Variants in LASP1 observed in about 807,000 individuals in gnomAD.
LASP1 encodes the protein LIM and SH3 domain protein 1.
A neutral mutation model predicts 38.6 loss-of-function variants in LASP1; 10 were observed. The observed-to-expected ratio is 0.26, with a 90% CI of 0.16 to 0.44. The LOEUF is 0.44. Among genes scored for constraint, LASP1 ranks in the 20% least tolerant of loss-of-function variants. LASP1 has a pLI of 1.00. For missense variants in LASP1, 243 were observed against 375.7 expected (o/e 0.65, Z 2.92); for synonymous variants, 132 against 140.8 (o/e 0.94, Z 0.44).
chr17:38,891,594 G>A (rs569223365), intron 3 of LASP1, among the ~76,000 whole-genome samples: 19 of 152,246 alleles, frequency 1.2e-4, no homozygotes, highest in East Asian at 1.9e-4. Flanking sequence ...CACAGCTGAC[G>A]ATGGAGGGCT....
chr17:38,906,827 C>T (rs926771599), intron 4 of LASP1, among the ~76,000 whole-genome samples: 3 of 152,228 alleles, frequency 2.0e-5, no homozygotes, highest in Non-Finnish European at 2.9e-5. Context: ...CTGGCTGAGT[C>T]GGGAGGGTCC....
At chr17:38,894,573 G>A (rs1914433549) in intron 3 of LASP1, among the ~76,000 whole-genome samples, 1 of 152,182 alleles carries the variant, frequency 6.6e-6, no homozygotes, top group Non-Finnish European at 1.5e-5. Flanking sequence ...CTGACGTGGA[G>A]TCAGCATTCA....
At chr17:38,912,676 A>G (rs939580954) in intron 4 of LASP1, among the ~76,000 whole-genome samples, 1 of 152,104 alleles carries the variant, frequency 6.6e-6, no homozygotes, top group African/African-American at 2.4e-5. Context: ...AGAAGGTGCC[A>G]TGGGGGATGG....
intron 3 of LASP1, among the ~76,000 whole-genome samples, chr17:38,895,212 T>C (rs1437738398): frequency 6.6e-6 from 1 of 151,772 alleles, no homozygotes; most frequent in African/African-American, 2.4e-5. Context: ...TGGGGTACTA[T>C]GTTCCCAGGC....
intron 3 of LASP1, among the ~76,000 whole-genome samples, chr17:38,893,933 C>T (rs1598111981): frequency 6.6e-6 from 1 of 152,380 alleles, no homozygotes; most frequent in South Asian, 2.1e-4. Context: ...CCTTCTGGGC[C>T]TGCCTTGCCC....
intron 1 of LASP1, among the ~76,000 whole-genome samples, chr17:38,877,470 C>T (rs1913814602): frequency 6.6e-6 from 1 of 152,136 alleles, no homozygotes; most frequent in Non-Finnish European, 1.5e-5. Context: ...GTTGTGTTGA[C>T]AGAGCCTGGG....
intron 4 of LASP1, among the ~76,000 whole-genome samples, chr17:38,906,962 G>A (rs1914791777): frequency 6.6e-6 from 1 of 152,190 alleles, no homozygotes; most frequent in Admixed American, 6.5e-5. Flanking sequence ...TCTGGGCTTA[G>A]GGCGCTCCTC....
At chr17:38,871,637 A>C (rs1202177405) in intron 1 of LASP1, among the ~76,000 whole-genome samples, 1 of 151,956 alleles carries the variant, frequency 6.6e-6, no homozygotes, top group African/African-American at 2.4e-5. Flanking sequence ...TTGGTGTGTG[A>C]GCTTCCTCAG....
At chr17:38,913,484 C>A (rs1236994836) in intron 4 of LASP1, among the ~76,000 whole-genome samples, 2 of 152,208 alleles carry the variant, frequency 1.3e-5, no homozygotes, top group Non-Finnish European at 1.5e-5. Context: ...AATCTGTGAT[C>A]TTGGGCCACT....
rs367911500 is a variant in LASP1, at chr17:38,918,680, G to A, written c.688G>A (p.Val230Ile). 3.0e-5 allele frequency: 48 copies of A among 1,613,504 alleles called. No individual in the cohort carries two copies. The African/African-American group carries it at 3.6e-4, about 12-fold the overall frequency. Reference protein sequence around the residue: ...EVSFQDGDTIVNVQQIDDGWM... With the variant: ...EVSFQDGDTIINVQQIDDGWM... ...CTCCTTCCAGGACGGGGACACCATC[G>A]TCAACGTGCAGCAGATCGACGACGG... Residue 230 changes from valine (V) to isoleucine (I), a missense_variant, in exon 7 of 7, where the codon GTC (valine) becomes ATC (isoleucine). Val to Ile is a conservative substitution (Grantham distance 29). This residue lies in a region of LASP1 where 165 missense variants were observed against 210.3 expected (regional missense o/e 0.78). Transcript: ENST00000318008. The surrounding 1 kb of genome is among the most constrained non-coding windows in gnomAD (Gnocchi z 4.4).
intron 2 of LASP1, among the ~76,000 whole-genome samples, chr17:38,886,298 C>T (rs1297754098): frequency 1.3e-5 from 2 of 151,094 alleles, no homozygotes; most frequent in Non-Finnish European, 2.9e-5. Flanking sequence ...GGGCTGGGGA[C>T]TGGGGACTGT....
intron 4 of LASP1, among the ~76,000 whole-genome samples, chr17:38,910,773 A>G (rs568127959): frequency 7.5e-6 from 1 of 134,176 alleles, no homozygotes; most frequent in African/African-American, 3.0e-5. Flanking sequence ...CCCAGGATGC[A>G]GTGCAATGGC....
chr17:38,910,892 T>C (rs917340614), intron 4 of LASP1, among the ~76,000 whole-genome samples: 7 of 152,030 alleles, frequency 4.6e-5, no homozygotes, highest in Non-Finnish European at 1.0e-4. Context: ...CCAGCTAATT[T>C]TTGTATTTTC....
chr17:38,919,827 G>A lies in LASP1; in HGVS notation c.*1049G>A, dbSNP rs866046515. ...ACTAAATCTCCAAGACCTGGTGTGC[G>A]GAGGCAGGAGCATGTATGTCTGCAG... On this transcript the variant is annotated 3_prime_UTR_variant, in exon 7 of 7. Transcript: ENST00000318008. 1.1e-5 allele frequency: 5 copies of A among 446,216 alleles called. No individual in the cohort carries two copies. The highest frequency in any genetic ancestry group is 3.9e-5 in the African/African-American group (2 of 51,118). 27.6% of individuals were successfully genotyped at this position (446,216 alleles called of 1,614,324 possible).
chr17:38,890,912 A>G (rs149811305), intron 3 of LASP1, among the ~76,000 whole-genome samples: 99 of 151,910 alleles, frequency 6.5e-4, no homozygotes, highest in Non-Finnish European at 1.3e-3. Flanking sequence ...CGCGTCCCAA[A>G]CCTCCACCCA....
chr17:38,906,735 G>A lies in LASP1; in HGVS notation c.358-7590G>A, dbSNP rs567102273. 2.4e-4 allele frequency among the ~76,000 whole-genome samples: 36 copies of A among 152,228 alleles called. No individual in the cohort carries two copies. In the South Asian group the frequency reaches 5.2e-3, roughly 22 times the overall value. ...TTTCCACCACAGTTGGGAGAGCAGG[G>A]GGGTCAGAAAACAGAACATCAGCTA... On this transcript the variant is annotated intron_variant, in intron 4 of 6. Coordinates refer to ENST00000318008, the MANE Select transcript of LASP1 (RefSeq NM_006148.4).
At chr17:38,911,181 G>C (rs1323684332) in intron 4 of LASP1, among the ~76,000 whole-genome samples, 2 of 152,158 alleles carry the variant, frequency 1.3e-5, no homozygotes, top group African/African-American at 2.4e-5. Context: ...CATCCAGTGG[G>C]GGTGGGGGAC....
chr17:38,919,962 C>G lies in LASP1; in HGVS notation c.*1184C>G. On this transcript the variant is annotated 3_prime_UTR_variant, in exon 7 of 7. Transcript: ENST00000318008. ...TGGGGTTATGTGAGGGTATGAAGAGCTGTCTTCCCCTGAGAGTTTCCTCAG... is the reference window on the plus strand; with the variant it reads ...TGGGGTTATGTGAGGGTATGAAGAGGTGTCTTCCCCTGAGAGTTTCCTCAG... 1 of 534,866 alleles carries G rather than the reference C, an allele frequency of 1.9e-6. No homozygotes were observed. Among genetic ancestry groups the G allele is most frequent in the Non-Finnish European group, 3.6e-6 (1 of 276,660 alleles). The allele number at this position is 534,866 out of a possible 1,614,324, so 33.1% of individuals were successfully genotyped here. A position where few individuals can be genotyped will look rare whatever the true frequency, so the allele number is the denominator to read the frequency against.
intron 3 of LASP1, among the ~76,000 whole-genome samples, chr17:38,892,611 C>T (rs945939484): frequency 6.6e-6 from 1 of 151,640 alleles, no homozygotes; most frequent in Non-Finnish European, 1.5e-5. Flanking sequence ...GGGAGAAATT[C>T]AAACCCCTCA....
Sources: allele counts gnomAD v4.1 joint callset (sites outside exome capture counted in the v4.1 genomes callset), GRCh38; gene constraint gnomAD v4.1.1; regional missense constraint gnomAD v4.1.1; non-coding constraint Gnocchi (gnomAD v3.1); transcripts MANE v1.5; gene names NCBI Gene and HGNC (gene_info 2026-07-23, HGNC 2026-07-21).